Variants in TBC1D19 observed in about 807,000 individuals in gnomAD.
TBC1D19 encodes TBC1 domain family member 19, also known as TBC1 domain family, member 19.
Under a neutral mutation model 89.0 loss-of-function variants are expected in TBC1D19, and 60 were observed. The ratio of observed to expected loss-of-function variants is 0.67; its 90% CI spans 0.55 to 0.84. The LOEUF (loss-of-function observed/expected upper bound fraction) is 0.84. Ranked by LOEUF, TBC1D19 falls within the 40% of genes least tolerant of loss-of-function variation. The probability of loss-of-function intolerance (pLI) is 0.00; values close to 1 mark genes in which losing one functional copy is unlikely to be tolerated. For missense variants in TBC1D19, 500 were observed against 610.8 expected (o/e 0.82, Z 1.91); for synonymous variants, 189 against 199.7 (o/e 0.95, Z 0.45).
the TBC1D19 span, among the ~76,000 whole-genome samples, chr4:26,782,732 A>G: frequency 1.3e-5 from 2 of 152,016 alleles, no homozygotes; most frequent in Non-Finnish European, 2.9e-5. Context: ...GATTAAAAAC[A>G]TTGACTTTTT....
intron 4 of TBC1D19, among the ~76,000 whole-genome samples, chr4:26,622,407 A>G (rs887985077): frequency 6.6e-6 from 1 of 152,090 alleles, no homozygotes; most frequent in Non-Finnish European, 1.5e-5. Flanking sequence ...TTAAATCATG[A>G]CTGAAAAGAA....
At chr4:26,751,589 T>C (rs1317036431) in intron 19 of TBC1D19, among the ~76,000 whole-genome samples, 2 of 152,242 alleles carry the variant, frequency 1.3e-5, no homozygotes, top group Non-Finnish European at 2.9e-5. Context: ...GCAGATCTCT[T>C]GTATCTACTG....
At chr4:26,677,068 C>T (rs771085209) in intron 11 of TBC1D19, among the ~76,000 whole-genome samples, 5 of 152,188 alleles carry the variant, frequency 3.3e-5, no homozygotes, top group Non-Finnish European at 4.4e-5. Flanking sequence ...GATGTCAACA[C>T]TCTTCCTAAA....
rs192554908 is a variant in TBC1D19 at position 26,699,928 on chromosome 4, G to A, written c.954+11521G>A. On this transcript the variant is annotated intron_variant, in intron 13 of 20. Coordinates refer to ENST00000264866, the MANE Select transcript of TBC1D19 (RefSeq NM_018317.4). Reference sequence around the variant, plus strand: ...ACCTAATGTAAATGGCAAGTTAATGGGTGCAGCAAACCAACATGGCACATG... The same window carrying A: ...ACCTAATGTAAATGGCAAGTTAATGAGTGCAGCAAACCAACATGGCACATG... 6.4e-4 allele frequency among the ~76,000 whole-genome samples: 97 copies of A among 151,910 alleles called. 1 individual carries two copies. In the East Asian group the frequency reaches 0.016, roughly 25 times the overall value.
chr4:26,735,635 TA>T, intron 16 of TBC1D19, 148 bp downstream of exon 16: 1 of 595,664 alleles, frequency 1.7e-6, no homozygotes. Context: ...TAGTTCCCCA[TA>T]GGGGCTTCAT....
chr4:26,681,941 G>T (rs943861266), intron 11 of TBC1D19, among the ~76,000 whole-genome samples: 1 of 152,026 alleles, frequency 6.6e-6, no homozygotes, highest in Non-Finnish European at 1.5e-5. Flanking sequence ...AAGCATGGAA[G>T]AATACAAATT....
chr4:26,786,765 AT>A, the TBC1D19 span, among the ~76,000 whole-genome samples: 1 of 144,764 alleles, frequency 6.9e-6, no homozygotes, highest in Non-Finnish European at 1.5e-5. Context: ...GGATGGATGG[AT>A]GGATGGATGG....
the TBC1D19 span, among the ~76,000 whole-genome samples, chr4:26,792,058 G>T: frequency 5.9e-5 from 9 of 152,320 alleles, no homozygotes; most frequent in African/African-American, 1.9e-4. Flanking sequence ...AGGCTGAAAA[G>T]AGGTGACCAC....
intron 15 of TBC1D19, among the ~76,000 whole-genome samples, chr4:26,725,250 G>T (rs1313030272): frequency 6.6e-6 from 1 of 152,128 alleles, no homozygotes; most frequent in East Asian, 1.9e-4. Flanking sequence ...TCCCCTGGTG[G>T]TTGTAAGTTT....
At chr4:26,592,755 A>G (rs1739905531) in intron 1 of TBC1D19, among the ~76,000 whole-genome samples, 1 of 151,532 alleles carries the variant, frequency 6.6e-6, no homozygotes, top group African/African-American at 2.4e-5. Flanking sequence ...CAAAGAGAAT[A>G]AAATACCTAG....
intron 15 of TBC1D19, among the ~76,000 whole-genome samples, chr4:26,727,748 G>A (rs1488543605): frequency 6.6e-6 from 1 of 152,102 alleles, no homozygotes; most frequent in African/African-American, 2.4e-5. Flanking sequence ...GTTATCAAAA[G>A]CCTTCTGTTC....
Position 26,688,498 on chromosome 4 carries a change from T to C in TBC1D19, c.954+91T>C, listed in dbSNP as rs899916631. ...AGATATCTCTGCTGTTGACTAAATC[T>C]TTTTGTAATCCATGGCATGCTTGTC... is the stretch of plus-strand genomic sequence containing the variant. On this transcript the variant is annotated intron_variant, in intron 13 of 20. Coordinates refer to ENST00000264866, the MANE Select transcript of TBC1D19 (RefSeq NM_018317.4). 5 of 1,316,044 alleles carry C rather than the reference T, an allele frequency of 3.8e-6. No individual in the cohort carries two copies. In the African/African-American group the frequency reaches 7.7e-5, roughly 20 times the overall value. 81.5% of individuals were successfully genotyped at this position (1,316,044 alleles called of 1,614,324 possible).
chr4:26,819,347 C>T, the TBC1D19 span, among the ~76,000 whole-genome samples: 2 of 152,164 alleles, frequency 1.3e-5, no homozygotes, highest in African/African-American at 4.8e-5. Flanking sequence ...TCCTGTGCTC[C>T]TGGAGTCCTG....
At chr4:26,774,823 G>C in the TBC1D19 span, among the ~76,000 whole-genome samples, 2 of 152,014 alleles carry the variant, frequency 1.3e-5, no homozygotes, top group Non-Finnish European at 2.9e-5. Flanking sequence ...AAAGTTCCAA[G>C]AAAACATTGA....
the TBC1D19 span, among the ~76,000 whole-genome samples, chr4:26,846,701 C>A: frequency 3.5e-4 from 53 of 152,080 alleles, no homozygotes; most frequent in Non-Finnish European, 6.9e-4. Context: ...AACACTTTAC[C>A]CATCTGGAGT....
In TBC1D19 at chr4:26,614,393, T is replaced by G; in HGVS notation, c.173-15T>G. 6.4e-7 allele frequency: 1 copy of G among 1,567,442 alleles called. No homozygotes were observed. Among genetic ancestry groups the G allele is most frequent in the Non-Finnish European group, 8.7e-7 (1 of 1,152,652 alleles). ...CTAGTATGTTCATATATTTTATTCT[T>G]TTTTTAAAAAACAGGTTGGGAGAAG... On this transcript the variant is annotated splice_polypyrimidine_tract_variant and intron_variant, in intron 2 of 20. Coordinates refer to ENST00000264866, the MANE Select transcript of TBC1D19 (RefSeq NM_018317.4).
the TBC1D19 span, among the ~76,000 whole-genome samples, chr4:26,851,319 ATC>A: frequency 6.8e-6 from 1 of 147,386 alleles, no homozygotes; most frequent in Non-Finnish European, 1.5e-5. Flanking sequence ...CTATCTATCT[ATC>A]TATCTATCTA....
At chr4:26,771,807 A>C in the TBC1D19 span, among the ~76,000 whole-genome samples, 1 of 152,230 alleles carries the variant, frequency 6.6e-6, no homozygotes, top group Non-Finnish European at 1.5e-5. Flanking sequence ...GTCTCATGTT[A>C]AGTGTTCTTA....
chr4:26,656,987 T>TCTTCTTCTC (rs67034832), intron 7 of TBC1D19, among the ~76,000 whole-genome samples: 11 of 17,820 alleles, frequency 6.2e-4, no homozygotes, highest in East Asian at 2.2e-3. Flanking sequence ...TTCTTCTTCT[T>TCTTCTTCTC]CTTCTCCTTC....
Sources: allele counts gnomAD v4.1 joint callset (sites outside exome capture counted in the v4.1 genomes callset), GRCh38; gene constraint gnomAD v4.1.1; transcripts MANE v1.5; gene names NCBI Gene and HGNC (gene_info 2026-07-23, HGNC 2026-07-21).